The following NRDC variants were observed in gnomAD, a reference collection of about 807,000 sequenced individuals.
NRDC encodes the protein nardilysin.
A neutral mutation model predicts 147.1 loss-of-function variants in NRDC; 54 were observed. That is an observed-to-expected ratio of 0.37 (90% CI 0.29 to 0.46). NRDC has a LOEUF of 0.46. Ranked by LOEUF, NRDC falls within the 20% of genes least tolerant of loss-of-function variation. NRDC has a pLI of 1.00. For synonymous variants in NRDC, 440 were observed against 482.1 expected (o/e 0.91, Z 1.14); for missense variants, 1,082 against 1,370.6 (o/e 0.79, Z 3.33).
At chr1:51,800,852 G>A in intron 20 of NRDC, 169 bp from the exon 21 acceptor site, 1 of 630,364 alleles carries the variant, frequency 1.6e-6, no homozygotes, top group South Asian at 2.1e-5. Flanking sequence ...TTGTTTGGGT[G>A]TTACCTGGAG....
At chr1:51,849,162 G>A (rs140879228) in intron 1 of NRDC, among the ~76,000 whole-genome samples, 1,764 of 152,052 alleles carry the variant, frequency 0.012, 37 homozygotes, top group African/African-American at 0.041. Context: ...CGAGACGGGC[G>A]GATCACAAGG....
chr1:51,803,722 T>G, intron 20 of NRDC, 92 bp downstream of exon 20: 3 of 993,818 alleles, frequency 3.0e-6, no homozygotes, highest in Non-Finnish European at 2.9e-6. Flanking sequence ...TAATAAACAT[T>G]TATTTCTCTA....
In NRDC at chr1:51,840,400, TTC is replaced by T. The variant is rs774823991; in HGVS notation, c.454_455del (p.Glu152ArgfsTer4). 1.9e-6 allele frequency: 3 copies of T among 1,574,024 alleles called. No individual in the cohort carries two copies. Among genetic ancestry groups the T allele is most frequent in the Non-Finnish European group, 2.6e-6 (3 of 1,143,798 alleles). On this transcript the variant is annotated frameshift_variant, in exon 2 of 31. Coordinates refer to ENST00000352171, the MANE Select transcript of NRDC (RefSeq NM_001101662.2). LOFTEE classifies it high-confidence loss of function. ...CAGAATCTTCATCATCATCTTCTTC[TTC>T]TTCCTCCACCTCCTCTTCTTCTTCA... ...DDEEEEEVEE[E>X]EEDDDEDSGA...
At chr1:51,817,057 C>T (rs1277325865) in intron 10 of NRDC, among the ~76,000 whole-genome samples, 1 of 152,040 alleles carries the variant, frequency 6.6e-6, no homozygotes, top group Non-Finnish European at 1.5e-5. Context: ...TTAAAGTATT[C>T]CTACCACAAA....
At chr1:51,857,469 A>C (rs1373425599) in intron 1 of NRDC, among the ~76,000 whole-genome samples, 5 of 152,200 alleles carry the variant, frequency 3.3e-5, no homozygotes, top group Non-Finnish European at 5.9e-5. Context: ...TAAATTTAAT[A>C]TGTCTAAGGT....
intron 1 of NRDC, among the ~76,000 whole-genome samples, chr1:51,877,145 G>GT (rs1423036057): frequency 8.5e-6 from 1 of 117,736 alleles, no homozygotes; most frequent in Non-Finnish European, 2.1e-5. Flanking sequence ...CCAAGATCGC[G>GT]CCACTGCACT....
chr1:51,789,241 T>TGACTA lies in NRDC; in HGVS notation c.3446_3450dup (p.Lys1151Ter), dbSNP rs1678431797. ...CCAACGTGACTGCAGTTTATTTATT[T>TGACTA]GACTATTTTATGGTAGGGGAGAAGG... On this transcript the variant is annotated stop_gained and frameshift_variant, in exon 31 of 31. Transcript: ENST00000352171. LOFTEE classifies it high-confidence loss of function. The TGACTA allele has an allele frequency of 6.2e-7, 1 of 1,613,760 alleles. No homozygotes were observed. The highest frequency in any genetic ancestry group is 1.3e-5 in the African/African-American group (1 of 74,922).
chr1:51,846,569 C>T (rs191215262), intron 1 of NRDC, among the ~76,000 whole-genome samples: 1 of 152,188 alleles, frequency 6.6e-6, no homozygotes, highest in African/African-American at 2.4e-5. Context: ...TTCCAATGTT[C>T]GGATGTGTTC....
Position 51,790,945 on chromosome 1 carries a change from A to C in NRDC, c.3006T>G (p.Phe1002Leu), listed in dbSNP as rs773491606. Residue 1002 changes from phenylalanine to leucine, a missense_variant, in exon 28 of 31, where the codon TTT becomes TTG. By Grantham distance (22) the Phe-to-Leu change is conservative. Coordinates refer to ENST00000352171, the MANE Select transcript of NRDC (RefSeq NM_001101662.2). ...CAGTGAGGTTCTCAATCTTCTCCTCAAAGCTAGAAAGAAACTCTTCTATCT... is the reference window on the plus strand; with the variant it reads ...CAGTGAGGTTCTCAATCTTCTCCTCCAAGCTAGAAAGAAACTCTTCTATCT... ...DKKIEEFLSS[F>L]EEKIENLTEE... 5 of 1,613,824 alleles carry C rather than the reference A, an allele frequency of 3.1e-6. No individual in the cohort carries two copies. In the Admixed American group the frequency reaches 8.3e-5, roughly 27 times the overall value.
At chr1:51,859,526 G>A (rs752691487) in intron 1 of NRDC, among the ~76,000 whole-genome samples, 4 of 152,116 alleles carry the variant, frequency 2.6e-5, no homozygotes, top group Non-Finnish European at 5.9e-5. Context: ...TTGCCTCCTG[G>A]CTATTTTGGG....
chr1:51,812,079 A>G lies in NRDC; in HGVS notation c.1694T>C (p.Val565Ala). 2 of 1,613,430 alleles carry G rather than the reference A, an allele frequency of 1.2e-6. No individual in the cohort carries two copies. Among genetic ancestry groups the G allele is most frequent in the Non-Finnish European group, 1.7e-6 (2 of 1,179,374 alleles). ...CTGCATGTTCTCACACATGTTTTCC[A>G]CATACTCAACTGGATCTGTCTGTAA... ...YQEQTDPVEY[V>A]ENMCENMQLY... Residue 565 changes from valine (V) to alanine (A), a missense_variant, in exon 15 of 31, where the codon GTG (valine) becomes GCG (alanine). Coordinates refer to ENST00000352171, the MANE Select transcript of NRDC (RefSeq NM_001101662.2).
chr1:51,795,090 T>A, intron 22 of NRDC: 1 of 1,453,844 alleles, frequency 6.9e-7, no homozygotes, highest in Non-Finnish European at 9.1e-7. Flanking sequence ...TGTTTACCCA[T>A]AATACAGTTT....
intron 1 of NRDC, among the ~76,000 whole-genome samples, chr1:51,867,398 A>G (rs980354403): frequency 6.6e-6 from 1 of 152,222 alleles, no homozygotes; most frequent in African/African-American, 2.4e-5. Context: ...AATGACAATA[A>G]GTGCTATAAA....
At chr1:51,812,204 A>G in intron 14 of NRDC, 106 bp from the exon 15 acceptor site, 2 of 786,424 alleles carry the variant, frequency 2.5e-6, no homozygotes, top group Non-Finnish European at 4.2e-6. Flanking sequence ...TAAAACCAAA[A>G]GCTTCTGAAC....
intron 15 of NRDC, among the ~76,000 whole-genome samples, chr1:51,811,109 A>G (rs2149200659): frequency 6.6e-6 from 1 of 152,308 alleles, no homozygotes; most frequent in East Asian, 1.9e-4. Flanking sequence ...GGTGGTTCAG[A>G]AAAAAACACA....
In NRDC at chr1:51,790,982, A is replaced by C; in HGVS notation, c.2969T>G (p.Val990Gly). The C allele has an allele frequency of 6.2e-7, 1 of 1,609,866 alleles. No homozygotes were observed. Among genetic ancestry groups the C allele is most frequent in the East Asian group, 2.3e-5 (1 of 44,394 alleles). ...AAACTCTTCTATCTTCTTATCAACAACTTCAGAACTGAAACAAAACATCTT... is the reference window on the plus strand; with the variant it reads ...AAACTCTTCTATCTTCTTATCAACACCTTCAGAACTGAAACAAAACATCTT... ...GTQATKYNSE[V>G]VDKKIEEFLS... The change falls in exon 28 of 31, where the codon GTT (valine) becomes GGT (glycine). Residue 990 changes from valine to glycine, a missense_variant. Transcript: ENST00000352171.
chr1:51,816,423 A>T (rs1031964118), intron 10 of NRDC, 34 bp from the exon 11 acceptor site: 1 of 1,354,676 alleles, frequency 7.4e-7, no homozygotes, highest in Non-Finnish European at 1.0e-6. Flanking sequence ...GAAGAAAAAA[A>T]CAAAAGGTAT....
rs72901974 is a variant in NRDC at position 51,878,573 on chromosome 1, T to G, written c.43A>C (p.Arg15=). ...VTVAAVCATR[R]KLCEAGRELA... ...TCCCGCCCGGCCTCACACAACTTCCTCCGGGTGGCACAGACTGCAGCAACA... is the reference window on the plus strand; with the variant it reads ...TCCCGCCCGGCCTCACACAACTTCCGCCGGGTGGCACAGACTGCAGCAACA... The change falls in exon 1 of 31, where the codon AGG becomes CGG. Residue 15 remains arginine (R), a synonymous_variant. Coordinates refer to ENST00000352171, the MANE Select transcript of NRDC (RefSeq NM_001101662.2). 0.016 allele frequency: 25,723 copies of G among 1,613,012 alleles called. 656 individuals are homozygous for G. The highest frequency in any genetic ancestry group is 0.086 in the South Asian group (7,830 of 90,926).
At chr1:51,838,531 G>A (rs1681095543) in intron 2 of NRDC, among the ~76,000 whole-genome samples, 1 of 151,968 alleles carries the variant, frequency 6.6e-6, no homozygotes, top group South Asian at 2.1e-4. Context: ...GAAAGATATA[G>A]AAAAAAAGTA....
Sources: gnomAD v4.1 joint callset for allele counts (sites outside exome capture counted in the v4.1 genomes callset) on GRCh38, gnomAD v4.1.1 for gene constraint, MANE v1.5 for transcripts, NCBI Gene and HGNC (gene_info 2026-07-23, HGNC 2026-07-21) for gene names.